PAIP2B: variants seen among roughly 807,000 people sequenced by gnomAD.
PAIP2B encodes polyadenylate-binding protein-interacting protein 2B.
Under a neutral mutation model 17.0 loss-of-function variants are expected in PAIP2B, and 13 were observed. The ratio of observed to expected loss-of-function variants is 0.76; its 90% CI spans 0.50 to 1.22. The LOEUF (loss-of-function observed/expected upper bound fraction) is 1.22, where lower values mean the gene tolerates loss of function less well. Among genes scored for constraint, PAIP2B ranks in the 50% most tolerant of loss-of-function variants. The pLI is 0.00. For missense variants in PAIP2B, 117 were observed against 144.5 expected (o/e 0.81, Z 0.98); for synonymous variants, 43 against 48.7 (o/e 0.88, Z 0.48).
intron 1 of PAIP2B, among the ~76,000 whole-genome samples, chr2:71,216,255 G>C (rs1197762038): frequency 6.6e-6 from 1 of 152,178 alleles, no homozygotes; most frequent in African/African-American, 2.4e-5. Context: ...AAGGCTAAAT[G>C]CTAAGTGATG....
rs1034445984 is a variant in PAIP2B at position 71,200,112 on chromosome 2, C to T, written c.138+2340G>A. Among the ~76,000 whole-genome samples, 38 of 152,236 alleles carry T rather than the reference C, an allele frequency of 2.5e-4. 1 individual carries two copies. The highest frequency in any genetic ancestry group is 2.0e-4 in the Admixed American group (3 of 15,284). ...TTGGGGGGTTGTAAGCTGTTTTCAT[C>T]TTATTCTATGTTTTGTTAGATATTT... On this transcript the variant is annotated intron_variant, in intron 2 of 3. Transcript: ENST00000244221.
At chr2:71,195,571 G>A (rs1156572398) in intron 2 of PAIP2B, among the ~76,000 whole-genome samples, 1 of 152,022 alleles carries the variant, frequency 6.6e-6, no homozygotes, top group Non-Finnish European at 1.5e-5. Flanking sequence ...CATTCCCTTT[G>A]TCATTTCTAA....
intron 2 of PAIP2B, among the ~76,000 whole-genome samples, chr2:71,198,151 C>T (rs1191057307): frequency 6.6e-6 from 1 of 152,270 alleles, no homozygotes; most frequent in East Asian, 1.9e-4. Context: ...TGCAGTTTCA[C>T]ACTTGTTGCC....
rs960194436 is a variant in PAIP2B at position 71,207,537 on chromosome 2, G to A, written c.-11-4937C>T. Among the ~76,000 whole-genome samples, 10 of 152,078 alleles carry A rather than the reference G, an allele frequency of 6.6e-5. No homozygotes were observed. The East Asian group carries it at 7.8e-4, about 12-fold the overall frequency. ...CTTATAATGCACCGTAGCATGATTC[G>A]ACATATTTTGAGATCACTCAGGCTG... On this transcript the variant is annotated intron_variant, in intron 1 of 3. Coordinates refer to ENST00000244221, the MANE Select transcript of PAIP2B (RefSeq NM_020459.1).
At chr2:71,221,427 C>T (rs368339076) in intron 1 of PAIP2B, among the ~76,000 whole-genome samples, 6 of 152,148 alleles carry the variant, frequency 3.9e-5, no homozygotes, top group South Asian at 4.1e-4. Context: ...GCCTTTCTAT[C>T]CTCCCATTCT....
intron 1 of PAIP2B, among the ~76,000 whole-genome samples, chr2:71,212,025 G>A (rs1275738674): frequency 6.6e-6 from 1 of 152,090 alleles, no homozygotes; most frequent in Non-Finnish European, 1.5e-5. Flanking sequence ...CTCCAGATCA[G>A]CTCCAAAAAG....
rs1265971381 is a variant in PAIP2B, at chr2:71,188,381, C to A, written c.*98G>T. The A allele has an allele frequency of 2.0e-6, 2 of 978,012 alleles. No individual in the cohort carries two copies. The highest frequency in any genetic ancestry group is 3.2e-6 in the Non-Finnish European group (2 of 634,548). 60.6% of individuals were successfully genotyped at this position (978,012 alleles called of 1,614,324 possible). ...CCACCACTCCCCTTCCCGCTGTGCA[C>A]CCCTCGCCCGCCCCATCCCCCTCTT... On this transcript the variant is annotated 3_prime_UTR_variant, in exon 4 of 4. Coordinates refer to ENST00000244221, the MANE Select transcript of PAIP2B (RefSeq NM_020459.1).
intron 1 of PAIP2B, among the ~76,000 whole-genome samples, chr2:71,211,602 G>T (rs1345993155): frequency 7.5e-6 from 1 of 133,610 alleles, no homozygotes; most frequent in East Asian, 2.7e-4. Context: ...AATGCTCTTT[G>T]AAAAAAAAAA....
intron 2 of PAIP2B, among the ~76,000 whole-genome samples, chr2:71,198,576 C>T (rs538450754): frequency 8.5e-5 from 13 of 152,208 alleles, no homozygotes; most frequent in East Asian, 1.9e-4. Context: ...TGAGCCACCG[C>T]GCCCAGCCGC....
At chr2:71,213,223 C>T (rs1489851073) in intron 1 of PAIP2B, among the ~76,000 whole-genome samples, 1 of 152,062 alleles carries the variant, frequency 6.6e-6, no homozygotes, top group East Asian at 1.9e-4. Context: ...TACAGTGAAT[C>T]CCAACAAAAA....
intron 2 of PAIP2B, among the ~76,000 whole-genome samples, chr2:71,193,399 G>A (rs1347550037): frequency 6.6e-6 from 1 of 152,134 alleles, no homozygotes; most frequent in Non-Finnish European, 1.5e-5. Flanking sequence ...TGTTTACTCT[G>A]TTGATAGTTT....
At chr2:71,193,460 T>C (rs1414716633) in intron 2 of PAIP2B, among the ~76,000 whole-genome samples, 1 of 152,268 alleles carries the variant, frequency 6.6e-6, no homozygotes, top group Non-Finnish European at 1.5e-5. Flanking sequence ...TTGTCAATTT[T>C]GGCTTTTGTT....
chr2:71,202,628 A>G, intron 1 of PAIP2B, 28 bp from the exon 2 acceptor site: 1 of 1,574,238 alleles, frequency 6.4e-7, no homozygotes. Context: ...AAAAGATAAA[A>G]TGAATATAAG....
intron 1 of PAIP2B, among the ~76,000 whole-genome samples, chr2:71,224,695 G>A (rs553690296): frequency 1.5e-4 from 23 of 152,290 alleles, no homozygotes; most frequent in African/African-American, 4.3e-4. Context: ...GTGCTTCTCT[G>A]CACCCTGTAT....
chr2:71,216,581 T>G (rs1675435400), intron 1 of PAIP2B, among the ~76,000 whole-genome samples: 1 of 152,134 alleles, frequency 6.6e-6, no homozygotes, highest in South Asian at 2.1e-4. Context: ...ACAAGAATGG[T>G]TCTCAAAAAT....
In PAIP2B at chr2:71,184,795, A is replaced by G; in HGVS notation, c.*3684T>C. 1 of 152,082 alleles carries G rather than the reference A, an allele frequency of 6.6e-6. No individual in the cohort carries two copies. The highest frequency in any genetic ancestry group is 1.5e-5 in the Non-Finnish European group (1 of 68,030). 9.4% of individuals were successfully genotyped at this position (152,082 alleles called of 1,614,324 possible). ...TCCCCACCCACTTCGCAAACTAATG[A>G]CGTCCGCGTTATCCCAGAGGAGAGT... On this transcript the variant is annotated 3_prime_UTR_variant, in exon 4 of 4. Transcript: ENST00000244221.
chr2:71,218,903 GTTTTTCTTTT>G (rs1459060495), intron 1 of PAIP2B, among the ~76,000 whole-genome samples: 17 of 150,398 alleles, frequency 1.1e-4, no homozygotes, highest in Admixed American at 7.9e-4. Context: ...AGAATTAAAG[GTTTTTCTTTT>G]TTTTTCTTTT....
rs1043918064 is a variant in PAIP2B, at chr2:71,187,286, T to A, written c.*1193A>T. 2 of 152,166 alleles carry A rather than the reference T, an allele frequency of 1.3e-5. No homozygotes were observed. The highest frequency in any genetic ancestry group is 2.9e-5 in the Non-Finnish European group (2 of 68,050). The allele number at this position is 152,166 out of a possible 1,614,324, so 9.4% of individuals were successfully genotyped here. A position where few individuals can be genotyped will look rare whatever the true frequency, so the allele number is the denominator to read the frequency against. ...ACCCTAAGAGGTCAATCTACAAAAC[T>A]TGCAAAGCTGGGTATGTGGGAACAG... On this transcript the variant is annotated 3_prime_UTR_variant, in exon 4 of 4. Transcript: ENST00000244221.
chr2:71,188,261 T>TC lies in PAIP2B; in HGVS notation c.*217dup. 2.0e-6 allele frequency: 1 copy of TC among 504,890 alleles called. No homozygotes were observed. The highest frequency in any genetic ancestry group is 3.5e-6 in the Non-Finnish European group (1 of 287,738). The allele number at this position is 504,890 out of a possible 1,614,324, so 31.3% of individuals were successfully genotyped here. ...TATTTAAAAAAACAAAACAGGAAAC[T>TC]CCCCAAACAAAAGTCAGCAGAACAA... On this transcript the variant is annotated 3_prime_UTR_variant, in exon 4 of 4. Transcript: ENST00000244221.
Sources: allele counts gnomAD v4.1 joint callset (sites outside exome capture counted in the v4.1 genomes callset), GRCh38; gene constraint gnomAD v4.1.1; transcripts MANE v1.5; gene names NCBI Gene and HGNC (gene_info 2026-07-23, HGNC 2026-07-21).